Variants in CWC15 observed in about 807,000 individuals in gnomAD.
CWC15 encodes the protein spliceosome-associated protein CWC15 homolog.
Under a neutral mutation model 28.4 loss-of-function variants are expected in CWC15, and 12 were observed. The observed-to-expected ratio is 0.42, with a 90% CI of 0.27 to 0.69. The LOEUF (loss-of-function observed/expected upper bound fraction) is 0.69, where lower values mean the gene tolerates loss of function less well. CWC15 is among the 30% of genes least tolerant of loss of function. The pLI, the probability that CWC15 is intolerant of heterozygous loss-of-function variation, is 0.23. For synonymous variants in CWC15, 92 were observed against 88.4 expected, an observed-to-expected ratio of 1.04 and a Z score of -0.23; for missense variants, 192 against 271.5, an observed-to-expected ratio of 0.71 and a Z score of 2.06.
At chr11:94,972,240 CAT>C in intron 1 of CWC15, 47 bp from the exon 2 acceptor site, 2 of 1,546,778 alleles carry the variant, frequency 1.3e-6, no homozygotes, top group Non-Finnish European at 1.8e-6. Context: ...TACAAACACT[CAT>C]TTTATAGAGT....
intron 1 of CWC15, 88 bp from the exon 2 acceptor site, chr11:94,972,281 AG>A: frequency 2.3e-6 from 3 of 1,309,116 alleles, no homozygotes; most frequent in Non-Finnish European, 3.1e-6. Context: ...TGGTAAAATA[AG>A]TTCTAAAACT....
At position 94,971,368 on chromosome 11, in the gene CWC15, T is replaced by C. The variant is rs1555096186; in HGVS notation, c.244+7A>G. 3 of 1,594,590 alleles carry C rather than the reference T, an allele frequency of 1.9e-6. No individual in the cohort carries two copies. Among genetic ancestry groups the C allele is most frequent in the Non-Finnish European group, 2.6e-6 (3 of 1,164,710 alleles). On this transcript the variant is annotated splice_region_variant and intron_variant, in intron 3 of 6. Transcript: ENST00000279839. The stretch of plus-strand genomic sequence containing the variant: ...TATGAGACAAATGTCTTGGATAGTG[T>C]TGGTACCTCGGGTTGGACGATCCCT...
chr11:94,963,297 G>A lies in CWC15; in HGVS notation c.*88C>T. 9.3e-7 allele frequency: 1 copy of A among 1,077,670 alleles called. No individual in the cohort carries two copies. Among genetic ancestry groups the A allele is most frequent in the South Asian group, 2.0e-5 (1 of 50,220 alleles). The allele number at this position is 1,077,670 out of a possible 1,614,324, so 66.8% of individuals were successfully genotyped here. On this transcript the variant is annotated 3_prime_UTR_variant, in exon 7 of 7. Transcript: ENST00000279839. ...ACTGGGGAAGCCCACACACAATTTA[G>A]ACAGGGGAAAAGAAAAAAAAAACTC... is the stretch of plus-strand genomic sequence containing the variant.
At chr11:94,968,349 A>C (rs1857673963) in intron 5 of CWC15, among the ~76,000 whole-genome samples, 1 of 152,236 alleles carries the variant, frequency 6.6e-6, no homozygotes, top group Non-Finnish European at 1.5e-5. Context: ...AAACCAGCCA[A>C]TAGAAAGGGA....
Position 94,963,320 on chromosome 11 carries a change from C to A in CWC15, c.*65G>T. ...TAGACAGGGGAAAAGAAAAAAAAAACTCATAAAAAAAGTCAGAATGATCCT... is the reference window on the plus strand; with the variant it reads ...TAGACAGGGGAAAAGAAAAAAAAAAATCATAAAAAAAGTCAGAATGATCCT... On this transcript the variant is annotated 3_prime_UTR_variant, in exon 7 of 7. Coordinates refer to ENST00000279839, the MANE Select transcript of CWC15 (RefSeq NM_016403.4). 1.5e-5 allele frequency: 16 copies of A among 1,084,100 alleles called. No individual in the cohort carries two copies. The highest frequency in any genetic ancestry group is 5.9e-5 in the South Asian group (3 of 51,266). 67.2% of individuals were successfully genotyped at this position (1,084,100 alleles called of 1,614,324 possible). A position where few individuals can be genotyped will look rare whatever the true frequency, so the allele number is the denominator to read the frequency against.
chr11:94,971,797 G>C (rs1176077342), intron 2 of CWC15, among the ~76,000 whole-genome samples: 2 of 152,040 alleles, frequency 1.3e-5, no homozygotes, highest in Non-Finnish European at 2.9e-5. Flanking sequence ...TTAATATACT[G>C]ACTGGTGCTC....
At chr11:94,969,854 G>T in intron 5 of CWC15, 135 bp downstream of exon 5, 1 of 457,514 alleles carries the variant, frequency 2.2e-6, no homozygotes, top group Non-Finnish European at 3.8e-6. Flanking sequence ...ATCATTTATA[G>T]ATCTACAAGT....
At chr11:94,971,525 AACACACAC>A in intron 2 of CWC15, 38 bp from the exon 3 acceptor site, 1 of 781,028 alleles carries the variant, frequency 1.3e-6, no homozygotes, top group Non-Finnish European at 2.1e-6. Context: ...ATGTTACTTA[AACACACAC>A]ACACACACAC....
intron 5 of CWC15, among the ~76,000 whole-genome samples, chr11:94,967,658 T>C (rs797025732): frequency 1.6e-4 from 24 of 152,198 alleles, no homozygotes; most frequent in African/African-American, 5.3e-4. Flanking sequence ...TGATACTTCA[T>C]TTCAATATTC....
intron 1 of CWC15, among the ~76,000 whole-genome samples, chr11:94,973,061 T>A (rs1471744810): frequency 7.8e-6 from 1 of 128,976 alleles, no homozygotes; most frequent in African/African-American, 2.9e-5. Flanking sequence ...GGGGGGGCGA[T>A]GCTAATTCTC....
chr11:94,968,581 G>A (rs782256608), intron 5 of CWC15, among the ~76,000 whole-genome samples: 1 of 152,176 alleles, frequency 6.6e-6, no homozygotes, highest in Non-Finnish European at 1.5e-5. Context: ...ATGCAAGTGG[G>A]ACTGGGAATG....
intron 6 of CWC15, 113 bp downstream of exon 6, chr11:94,966,182 T>C: frequency 1.6e-6 from 1 of 634,062 alleles, no homozygotes; most frequent in East Asian, 3.3e-5. Context: ...CACCTTGCTA[T>C]CCAACTTATA....
chr11:94,968,495 T>C (rs1555095670), intron 5 of CWC15, among the ~76,000 whole-genome samples: 1 of 152,196 alleles, frequency 6.6e-6, no homozygotes, highest in African/African-American at 2.4e-5. Flanking sequence ...ACCAAAAGCA[T>C]TTAAATTGCT....
intron 5 of CWC15, among the ~76,000 whole-genome samples, chr11:94,967,278 G>T (rs587646547): frequency 1.3e-5 from 2 of 152,096 alleles, no homozygotes; most frequent in South Asian, 4.1e-4. Context: ...CGTTCACCTC[G>T]GCCTCCCAAA....
At chr11:94,971,326 T>G (rs782385814) in intron 3 of CWC15, 49 bp downstream of exon 3, 1 of 1,446,994 alleles carries the variant, frequency 6.9e-7, no homozygotes. Flanking sequence ...AAAGAAAAAC[T>G]ATCAACAACA....
chr11:94,964,727 G>A (rs587618156), intron 6 of CWC15, among the ~76,000 whole-genome samples: 156 of 152,216 alleles, frequency 1.0e-3, no homozygotes, highest in African/African-American at 3.6e-3. Context: ...TGTTAGCCTA[G>A]ACTTTTTCAT....
In CWC15 at chr11:94,973,029, C is replaced by A. The variant is rs987597021; in HGVS notation, c.-9+469G>T. Among the ~76,000 whole-genome samples, 7 of 68,822 alleles carry A rather than the reference C, an allele frequency of 1.0e-4. No homozygotes were observed. In the Admixed American group the frequency reaches 1.2e-3, roughly 12 times the overall value. The allele number at this position is 68,822 out of a possible 152,430, so 45.1% of individuals were successfully genotyped here. A position where few individuals can be genotyped will look rare whatever the true frequency, so the allele number is the denominator to read the frequency against. ...AAAGCAAGTGTGTGGGGAGGGTGGG[C>A]GAATTGGGAGGATTTTTTGGGGGGG... On this transcript the variant is annotated intron_variant, in intron 1 of 6. Coordinates refer to ENST00000279839, the MANE Select transcript of CWC15 (RefSeq NM_016403.4).
At chr11:94,965,586 T>C (rs1857628470) in intron 6 of CWC15, among the ~76,000 whole-genome samples, 1 of 152,216 alleles carries the variant, frequency 6.6e-6, no homozygotes, top group Non-Finnish European at 1.5e-5. Flanking sequence ...AATTTACAAA[T>C]AATGTGGTTT....
intron 5 of CWC15, among the ~76,000 whole-genome samples, chr11:94,968,821 A>G (rs587650269): frequency 6.6e-6 from 1 of 152,288 alleles, no homozygotes; most frequent in East Asian, 1.9e-4. Flanking sequence ...CCTGGTATTG[A>G]CCATGCAGTA....
Sources: allele counts gnomAD v4.1 joint callset (sites outside exome capture counted in the v4.1 genomes callset), GRCh38; gene constraint gnomAD v4.1.1; transcripts MANE v1.5; gene names NCBI Gene and HGNC (gene_info 2026-07-23, HGNC 2026-07-21).